CAPN2: variants seen among roughly 807,000 people sequenced by gnomAD.
The protein encoded by CAPN2 is calpain-2 catalytic subunit.
In CAPN2, 92 loss-of-function variants were observed where a neutral mutation model predicts 102.3. The ratio of observed to expected loss-of-function variants is 0.90; its 90% CI spans 0.76 to 1.07. CAPN2 has a LOEUF of 1.07. Ranked by LOEUF, CAPN2 falls within the 50% of genes least tolerant of loss-of-function variation. The probability of loss-of-function intolerance (pLI) is 0.00; values close to 1 mark genes in which losing one functional copy is unlikely to be tolerated. For synonymous variants in CAPN2, 340 were observed against 355.4 expected, an observed-to-expected ratio of 0.96 and a Z score of 0.49; for missense variants, 800 against 909.4, an observed-to-expected ratio of 0.88 and a Z score of 1.55.
chr1:223,761,627 ACT>A lies in CAPN2; in HGVS notation c.1566+13_1566+14del. 6.2e-7 allele frequency: 1 copy of A among 1,607,100 alleles called. No homozygotes were observed. Among genetic ancestry groups the A allele is most frequent in the Non-Finnish European group, 8.5e-7 (1 of 1,174,132 alleles). On this transcript the variant is annotated intron_variant, in intron 13 of 20. Coordinates refer to ENST00000295006, the MANE Select transcript of CAPN2 (RefSeq NM_001748.5). ...GGCCAATCTTGAAGAGGTATTTGTA[ACT>A]CTTTGAATTTCACCCACTCTGTCCT...
Position 223,737,723 on chromosome 1 carries a change from G to A in CAPN2, c.308-6377G>A, listed in dbSNP as rs1202523937. ...GAGACGGGGCGGGGGGTGGGGGGGA[G>A]AGAATACAATAACACCATGTACTGT... On this transcript the variant is annotated intron_variant, in intron 2 of 20. Coordinates refer to ENST00000295006, the MANE Select transcript of CAPN2 (RefSeq NM_001748.5). 2.6e-4 allele frequency among the ~76,000 whole-genome samples: 27 copies of A among 102,040 alleles called. 1 individual carries two copies. Among genetic ancestry groups the A allele is most frequent in the South Asian group, 3.8e-4 (1 of 2,656 alleles). 66.9% of individuals were successfully genotyped at this position (102,040 alleles called of 152,430 possible). A position where few individuals can be genotyped will look rare whatever the true frequency, so the allele number is the denominator to read the frequency against.
rs187176571 is a variant in CAPN2 at position 223,755,736 on chromosome 1, G to T, written c.1305+87G>T. ...AAAGCTGACCCCAGAGGCAGAACTGGGGATGGGATCCCAGACCGGGAGCTT... is the reference window on the plus strand; with the variant it reads ...AAAGCTGACCCCAGAGGCAGAACTGTGGATGGGATCCCAGACCGGGAGCTT... On this transcript the variant is annotated intron_variant, in intron 10 of 20. Transcript: ENST00000295006. The surrounding 1 kb of genome is among the most constrained non-coding windows in gnomAD (Gnocchi z 4.1). 5.7e-4 allele frequency: 745 copies of T among 1,313,940 alleles called. No individual in the cohort carries two copies. Among genetic ancestry groups the T allele is most frequent in the Middle Eastern group, 8.2e-4 (3 of 3,652 alleles). The allele number at this position is 1,313,940 out of a possible 1,614,324, so 81.4% of individuals were successfully genotyped here. A position where few individuals can be genotyped will look rare whatever the true frequency, so the allele number is the denominator to read the frequency against.
intron 16 of CAPN2, among the ~76,000 whole-genome samples, chr1:223,766,889 G>A (rs1269929585): frequency 2.6e-5 from 4 of 152,064 alleles, no homozygotes; most frequent in African/African-American, 4.8e-5. Flanking sequence ...GAACCTGGGA[G>A]GCGGAGGTTG....
intron 2 of CAPN2, among the ~76,000 whole-genome samples, chr1:223,732,606 T>A (rs1472437212): frequency 1.3e-5 from 2 of 152,144 alleles, no homozygotes; most frequent in Non-Finnish European, 2.9e-5. Context: ...AGCAAGGTCT[T>A]TATGACCTGT....
At position 223,759,831 on chromosome 1, in the gene CAPN2, G is replaced by A. The variant is rs1219273173; in HGVS notation, c.1529+350G>A. ...ATTTGAAGAAAGCTGAGCAGTGCTG[G>A]TGTAATCCTTGATTTTCCAGGCCAC... On this transcript the variant is annotated intron_variant, in intron 12 of 20. Coordinates refer to ENST00000295006, the MANE Select transcript of CAPN2 (RefSeq NM_001748.5). The surrounding 1 kb of genome is among the most constrained non-coding windows in gnomAD (Gnocchi z 4.6). Among the ~76,000 whole-genome samples the A allele has an allele frequency of 6.6e-6, 1 of 152,194 alleles. No homozygotes were observed. Among genetic ancestry groups the A allele is most frequent in the East Asian group, 1.9e-4 (1 of 5,200 alleles).
intron 1 of CAPN2, among the ~76,000 whole-genome samples, chr1:223,716,509 G>A (rs1391470075): frequency 6.6e-6 from 1 of 152,072 alleles, no homozygotes; most frequent in Non-Finnish European, 1.5e-5. Flanking sequence ...GAGGCATGAA[G>A]GGAATGTCCT....
At chr1:223,770,329 C>T (rs1022064951) in intron 17 of CAPN2, 118 bp from the exon 18 acceptor site, 9 of 659,492 alleles carry the variant, frequency 1.4e-5, no homozygotes, top group South Asian at 3.7e-5. Flanking sequence ...GATTCTTCCA[C>T]GGCCAAACTA....
intron 12 of CAPN2, among the ~76,000 whole-genome samples, chr1:223,760,638 C>A (rs1255383970): frequency 6.6e-6 from 1 of 152,134 alleles, no homozygotes; most frequent in African/African-American, 2.4e-5. Context: ...AGGAGCATGA[C>A]CTGGTGGCAT....
upstream of CAPN2, among the ~76,000 whole-genome samples, chr1:223,709,130 G>T (rs1659675576): frequency 6.6e-6 from 1 of 152,120 alleles, no homozygotes; most frequent in Admixed American, 6.5e-5. Flanking sequence ...GCAGGGAAGT[G>T]ACTTGGCAGG....
chr1:223,771,521 A>T (rs1427768857), intron 18 of CAPN2: 1 of 334,742 alleles, frequency 3.0e-6, no homozygotes, highest in African/African-American at 2.1e-5. Context: ...CAGCAGCAGC[A>T]TGGTTAACAA....
chr1:223,705,059 G>A (rs773903626), intron 1 of CAPN2, among the ~76,000 whole-genome samples: 11 of 152,174 alleles, frequency 7.2e-5, no homozygotes, highest in Non-Finnish European at 1.3e-4. Flanking sequence ...GCTCACTCAG[G>A]GGAGGCTTCC....
chr1:223,736,484 C>G lies in CAPN2; in HGVS notation c.308-7616C>G, dbSNP rs187374976. On this transcript the variant is annotated intron_variant, in intron 2 of 20. Coordinates refer to ENST00000295006, the MANE Select transcript of CAPN2 (RefSeq NM_001748.5). ...CCTTTCACAGGGATCCTGGAGGTCC[C>G]CATTTGGGAAGGTGGAAAATCTCAG... 1.1e-4 allele frequency among the ~76,000 whole-genome samples: 16 copies of G among 152,286 alleles called. No individual in the cohort carries two copies. In the East Asian group the frequency reaches 2.5e-3, roughly 24 times the overall value.
At chr1:223,718,633 A>G (rs1659946244) in intron 2 of CAPN2, among the ~76,000 whole-genome samples, 3 of 152,178 alleles carry the variant, frequency 2.0e-5, no homozygotes, top group Non-Finnish European at 1.5e-5. Context: ...AGAGCAGATT[A>G]TTTGCTCTGA....
At chr1:223,752,161 T>A in intron 8 of CAPN2, 90 bp downstream of exon 8, 2 of 904,644 alleles carry the variant, frequency 2.2e-6, no homozygotes, top group Non-Finnish European at 3.6e-6. Flanking sequence ...TCGGCCAAAG[T>A]GAGTTTACCA....
intron 2 of CAPN2, among the ~76,000 whole-genome samples, chr1:223,733,732 T>A (rs959580492): frequency 6.6e-6 from 1 of 152,064 alleles, no homozygotes; most frequent in Non-Finnish European, 1.5e-5. Flanking sequence ...CCAAACAAAT[T>A]AGAAGGTGTG....
intron 2 of CAPN2, among the ~76,000 whole-genome samples, chr1:223,740,702 G>T (rs1386165112): frequency 6.6e-6 from 1 of 152,144 alleles, no homozygotes; most frequent in Non-Finnish European, 1.5e-5. Flanking sequence ...TCTTTATCAT[G>T]GCTAGCAGAT....
intron 2 of CAPN2, among the ~76,000 whole-genome samples, chr1:223,734,222 C>T (rs1026032755): frequency 3.3e-5 from 5 of 151,594 alleles, no homozygotes; most frequent in African/African-American, 7.3e-5. Context: ...TGGCCACCCT[C>T]GTGTCACCAG....
intron 5 of CAPN2, 45 bp from the exon 6 acceptor site, chr1:223,748,994 A>C (rs748056122): frequency 6.5e-7 from 1 of 1,546,166 alleles, no homozygotes; most frequent in Non-Finnish European, 8.9e-7. Flanking sequence ...GTCCGGGAGG[A>C]AGGGAGAGCG....
In CAPN2 at chr1:223,774,887, C is replaced by T. The variant is rs1661575017; in HGVS notation, c.*30C>T. On this transcript the variant is annotated 3_prime_UTR_variant, in exon 21 of 21. Coordinates refer to ENST00000295006, the MANE Select transcript of CAPN2 (RefSeq NM_001748.5). Reference sequence around the variant, plus strand: ...ATAACTAATCTGCCTGAAGACTTCTCATGATGGAAAATCAGCCAAGGACTA... The same window carrying T: ...ATAACTAATCTGCCTGAAGACTTCTTATGATGGAAAATCAGCCAAGGACTA... 1 of 1,601,478 alleles carries T rather than the reference C, an allele frequency of 6.2e-7. No homozygotes were observed. The highest frequency in any genetic ancestry group is 8.5e-7 in the Non-Finnish European group (1 of 1,169,640).
Sources: allele counts gnomAD v4.1 joint callset (sites outside exome capture counted in the v4.1 genomes callset), GRCh38; gene constraint gnomAD v4.1.1; non-coding constraint Gnocchi (gnomAD v3.1); transcripts MANE v1.5; gene names NCBI Gene and HGNC (gene_info 2026-07-23, HGNC 2026-07-21).